SPOCK3: variants seen among roughly 807,000 people sequenced by gnomAD.
SPOCK3 encodes the protein testican-3.
Under a neutral mutation model 56.6 loss-of-function variants are expected in SPOCK3, and 30 were observed. The ratio of observed to expected loss-of-function variants is 0.53; its 90% CI spans 0.40 to 0.72. SPOCK3 has a LOEUF of 0.72. SPOCK3 is among the 30% of genes least tolerant of loss of function. The pLI is 0.00. For missense variants in SPOCK3, 527 were observed against 530.0 expected (o/e 0.99, Z 0.06); for synonymous variants, 196 against 183.3 (o/e 1.07, Z -0.56).
chr4:167,205,556 T>TATAA (rs1734211354), intron 2 of SPOCK3, among the ~76,000 whole-genome samples: 1 of 76,314 alleles, frequency 1.3e-5, no homozygotes. Context: ...ATATAATATA[T>TATAA]AATATATATT....
At chr4:166,908,239 T>A (rs1270666066) in intron 5 of SPOCK3, among the ~76,000 whole-genome samples, 2 of 150,148 alleles carry the variant, frequency 1.3e-5, no homozygotes, top group Non-Finnish European at 3.0e-5. Context: ...AATAAAAAAA[T>A]TAGGCCTTCC....
chr4:167,157,649 A>C (rs1271407049), intron 2 of SPOCK3, among the ~76,000 whole-genome samples: 1 of 136,332 alleles, frequency 7.3e-6, no homozygotes, highest in African/African-American at 3.1e-5. Context: ...TCATTGTTTA[A>C]AACTTTTTTT....
At chr4:167,105,194 A>C (rs1759997851) in intron 2 of SPOCK3, among the ~76,000 whole-genome samples, 2 of 151,988 alleles carry the variant, frequency 1.3e-5, no homozygotes, top group Non-Finnish European at 2.9e-5. Context: ...TCTTAAGTAG[A>C]AAGACTAAAT....
intron 8 of SPOCK3, among the ~76,000 whole-genome samples, chr4:166,752,613 C>T (rs978255975): frequency 7.0e-5 from 10 of 143,818 alleles, no homozygotes; most frequent in East Asian, 2.1e-4. Flanking sequence ...CACACACACA[C>T]ATATATTTAT....
At position 167,089,082 on chromosome 4, in the gene SPOCK3, A is replaced by G. The variant is rs369679804; in HGVS notation, c.190-26545T>C. ...AGTTATGAGGTGCTGGTATTCTATA[A>G]ATGAAAAACAATAGACAAATCTGAT... is the stretch of plus-strand genomic sequence containing the variant. On this transcript the variant is annotated intron_variant, in intron 2 of 10. Coordinates refer to ENST00000357545, the MANE Select transcript of SPOCK3 (RefSeq NM_001040159.2). Among the ~76,000 whole-genome samples, 27 of 152,296 alleles carry G rather than the reference A, an allele frequency of 1.8e-4. No individual in the cohort carries two copies. In the East Asian group the frequency reaches 4.1e-3, roughly 23 times the overall value.
At chr4:167,129,344 G>A (rs1471778502) in intron 2 of SPOCK3, among the ~76,000 whole-genome samples, 1 of 152,126 alleles carries the variant, frequency 6.6e-6, no homozygotes, top group East Asian at 1.9e-4. Context: ...GCTAGCTCTG[G>A]ACTTACTAAA....
chr4:166,949,333 C>A (rs895009825), intron 4 of SPOCK3, among the ~76,000 whole-genome samples: 3 of 152,202 alleles, frequency 2.0e-5, no homozygotes, highest in Non-Finnish European at 2.9e-5. Flanking sequence ...GCCTTCTTCT[C>A]TCAACTCGTC....
intron 3 of SPOCK3, among the ~76,000 whole-genome samples, chr4:167,001,833 C>A (rs970942823): frequency 6.6e-6 from 1 of 151,992 alleles, no homozygotes; most frequent in Non-Finnish European, 1.5e-5. Context: ...GGCTGACCAG[C>A]GGAAATAAAA....
rs2111073248 is a variant in SPOCK3 at position 167,217,216 on chromosome 4, G to A, written c.189+16769C>T. 2.0e-5 allele frequency among the ~76,000 whole-genome samples: 3 copies of A among 152,140 alleles called. No individual in the cohort carries two copies. In the South Asian group the frequency reaches 6.2e-4, roughly 32 times the overall value. On this transcript the variant is annotated intron_variant, in intron 2 of 10. Transcript: ENST00000357545. ...CAAGTTGGACAATTTTATTTACAAG[G>A]TTATTTCAGTTAAAAATTGTAATAC...
chr4:167,207,992 C>T (rs905430049), intron 2 of SPOCK3, among the ~76,000 whole-genome samples: 3 of 152,100 alleles, frequency 2.0e-5, no homozygotes, highest in Non-Finnish European at 2.9e-5. Flanking sequence ...GTGTAAATGG[C>T]CTTCTGAGCT....
intron 2 of SPOCK3, among the ~76,000 whole-genome samples, chr4:167,228,044 AAAG>A (rs1299021183): frequency 2.0e-5 from 3 of 152,170 alleles, no homozygotes; most frequent in African/African-American, 7.2e-5. Context: ...CAGGAAAAGA[AAAG>A]AAATAAATAA....
At chr4:166,974,173 G>T (rs76376208) in intron 4 of SPOCK3, among the ~76,000 whole-genome samples, 2 of 152,088 alleles carry the variant, frequency 1.3e-5, no homozygotes, top group Non-Finnish European at 2.9e-5. Flanking sequence ...TTTTAAATAG[G>T]TAAGATTACT....
At chr4:167,167,659 T>C (rs990223238) in intron 2 of SPOCK3, among the ~76,000 whole-genome samples, 1 of 152,174 alleles carries the variant, frequency 6.6e-6, no homozygotes, top group Admixed American at 6.6e-5. Flanking sequence ...TACACCAGGA[T>C]TAAATTGAGT....
At chr4:166,797,493 T>A (rs1742086931) in intron 6 of SPOCK3, among the ~76,000 whole-genome samples, 1 of 151,986 alleles carries the variant, frequency 6.6e-6, no homozygotes, top group Non-Finnish European at 1.5e-5. Flanking sequence ...CTTCCAAGAA[T>A]CTCTATTTCC....
intron 2 of SPOCK3, among the ~76,000 whole-genome samples, chr4:167,227,081 G>T (rs191694639): frequency 1.3e-3 from 203 of 152,188 alleles, no homozygotes; most frequent in African/African-American, 4.6e-3. Context: ...TACCTATTAG[G>T]CAGCAAAAAT....
intron 2 of SPOCK3, among the ~76,000 whole-genome samples, chr4:167,205,333 A>T (rs866718984): frequency 2.2e-5 from 1 of 44,858 alleles, no homozygotes; most frequent in Non-Finnish European, 3.7e-5. Flanking sequence ...TATAATATAT[A>T]TTATATATTA....
At chr4:167,072,887 T>C (rs1173951363) in intron 2 of SPOCK3, among the ~76,000 whole-genome samples, 2 of 151,872 alleles carry the variant, frequency 1.3e-5, no homozygotes, top group Non-Finnish European at 1.5e-5. Flanking sequence ...CAATTTAAAA[T>C]GAAAATCAAA....
At chr4:167,010,814 T>A (rs1330702204) in intron 3 of SPOCK3, among the ~76,000 whole-genome samples, 1 of 150,262 alleles carries the variant, frequency 6.7e-6, no homozygotes, top group Non-Finnish European at 1.5e-5. Flanking sequence ...AATGATTAAT[T>A]TCCAGTGGGG....
chr4:166,986,964 A>G (rs1561088188), intron 4 of SPOCK3, among the ~76,000 whole-genome samples: 1 of 151,908 alleles, frequency 6.6e-6, no homozygotes. Flanking sequence ...TACTGCCCTC[A>G]CCCTCTGACT....
Sources: allele counts gnomAD v4.1 joint callset (sites outside exome capture counted in the v4.1 genomes callset), GRCh38; gene constraint gnomAD v4.1.1; transcripts MANE v1.5; gene names NCBI Gene and HGNC (gene_info 2026-07-23, HGNC 2026-07-21).